The following GNPAT variants were observed in gnomAD, a reference collection of about 807,000 sequenced individuals.
GNPAT encodes the protein glyceronephosphate O-acyltransferase.
In GNPAT, 30 loss-of-function variants were observed where a neutral mutation model predicts 78.4. The ratio of observed to expected loss-of-function variants is 0.38; its 90% CI spans 0.29 to 0.52. GNPAT has a LOEUF of 0.52. GNPAT is among the 20% of genes least tolerant of loss of function. The pLI, the probability that GNPAT is intolerant of heterozygous loss-of-function variation, is 0.84. For synonymous variants in GNPAT, 271 were observed against 281.1 expected, an observed-to-expected ratio of 0.96 and a Z score of 0.36; for missense variants, 714 against 812.2, an observed-to-expected ratio of 0.88 and a Z score of 1.47.
chr1:231,251,313 C>T (rs1169588135), intron 2 of GNPAT, among the ~76,000 whole-genome samples, 170 bp downstream of exon 2: 4 of 152,162 alleles, frequency 2.6e-5, no homozygotes, highest in African/African-American at 4.8e-5. Flanking sequence ...AGACACTAGA[C>T]TAGAGGTCTA....
intron 1 of GNPAT, among the ~76,000 whole-genome samples, chr1:231,249,941 A>G (rs1431345350): frequency 6.6e-6 from 1 of 152,100 alleles, no homozygotes; most frequent in Non-Finnish European, 1.5e-5. Flanking sequence ...CAGGGGCTGA[A>G]TAAGAAATAA....
chr1:231,266,300 T>A lies in GNPAT; in HGVS notation c.948T>A (p.Ile316=). 2 of 1,614,156 alleles carry A rather than the reference T, an allele frequency of 1.2e-6. No homozygotes were observed. Among genetic ancestry groups the A allele is most frequent in the Non-Finnish European group, 1.7e-6 (2 of 1,180,018 alleles). ...AGGGGTTGCTGAAAGCCAGAAAGAT[T>A]CTCTCTGAAAATTTTGGAAGCATCC... ...STTGLLKARK[I]LSENFGSIHV... The change falls in exon 8 of 16, where the codon ATT becomes ATA. Residue 316 remains isoleucine (I), a synonymous_variant. Transcript: ENST00000366647.
chr1:231,266,960 A>G (rs527423960), intron 8 of GNPAT, among the ~76,000 whole-genome samples: 13 of 152,342 alleles, frequency 8.5e-5, no homozygotes, highest in South Asian at 8.3e-4. Flanking sequence ...TCCAGGCCTC[A>G]TGTGCTGCAA....
At chr1:231,247,003 A>G (rs1684767469) in intron 1 of GNPAT, among the ~76,000 whole-genome samples, 1 of 152,170 alleles carries the variant, frequency 6.6e-6, no homozygotes, top group Admixed American at 6.5e-5. Context: ...CCTCGTCTCT[A>G]CTATAAATAC....
At chr1:231,255,834 C>T (rs1002346712) in intron 2 of GNPAT, among the ~76,000 whole-genome samples, 2 of 152,192 alleles carry the variant, frequency 1.3e-5, no homozygotes, top group African/African-American at 4.8e-5. Flanking sequence ...TGTCATGGCT[C>T]TTTCTGAGGT....
intron 12 of GNPAT, among the ~76,000 whole-genome samples, chr1:231,274,500 C>G (rs1018785182): frequency 6.6e-6 from 1 of 152,160 alleles, no homozygotes; most frequent in African/African-American, 2.4e-5. Flanking sequence ...AGAAAAAGTT[C>G]AAGTGCAAGT....
rs1178966310 is a variant in GNPAT, at chr1:231,266,496, GA to G, written c.1055+90del. The G allele has an allele frequency of 6.6e-6, 7 of 1,055,882 alleles. No individual in the cohort carries two copies. In the African/African-American group the frequency reaches 1.1e-4, roughly 16 times the overall value. 65.4% of individuals were successfully genotyped at this position (1,055,882 alleles called of 1,614,324 possible). On this transcript the variant is annotated intron_variant, in intron 8 of 15. Transcript: ENST00000366647. ...AATGCTGGAGTTGACCACTTCTCTTGATTTACTTAAGATTACAGAGAAAATG... is the reference window on the plus strand; with the variant it reads ...AATGCTGGAGTTGACCACTTCTCTTGTTTACTTAAGATTACAGAGAAAATG...
At chr1:231,266,959 C>T (rs1685406328) in intron 8 of GNPAT, among the ~76,000 whole-genome samples, 2 of 152,248 alleles carry the variant, frequency 1.3e-5, no homozygotes, top group African/African-American at 4.8e-5. Context: ...CTCCAGGCCT[C>T]ATGTGCTGCA....
At chr1:231,269,601 A>G (rs1465390964) in intron 9 of GNPAT, among the ~76,000 whole-genome samples, 1 of 152,182 alleles carries the variant, frequency 6.6e-6, no homozygotes, top group East Asian at 1.9e-4. Flanking sequence ...ACCTGTTCTC[A>G]GTGCTGTGAT....
intron 3 of GNPAT, 97 bp downstream of exon 3, chr1:231,260,780 A>G: frequency 2.3e-6 from 2 of 854,960 alleles, no homozygotes; most frequent in Non-Finnish European, 3.8e-6. Flanking sequence ...TCACAATTTA[A>G]TCAACTCAAG....
Position 231,270,944 on chromosome 1 carries a change from T to C in GNPAT, c.1466T>C (p.Phe489Ser), listed in dbSNP as rs747689337. The C allele has an allele frequency of 3.1e-6, 5 of 1,614,040 alleles. No homozygotes were observed. Among genetic ancestry groups the C allele is most frequent in the Non-Finnish European group, 4.2e-6 (5 of 1,180,000 alleles). ...SAYRNQLLNI[F>S]VRPSLVAVAL... ...TATAGGAACCAGCTGCTCAACATTT[T>C]TGTGCGCCCATCCTTAGTAGCAGTA... is the stretch of plus-strand genomic sequence containing the variant. Residue 489 changes from phenylalanine (F) to serine (S), a missense_variant, in exon 10 of 16, where the codon TTT becomes TCT. Phe to Ser is a radical substitution (Grantham distance 155, BLOSUM62 -2). Transcript: ENST00000366647.
intron 1 of GNPAT, among the ~76,000 whole-genome samples, chr1:231,244,221 A>ATTTCC (rs1232361134): frequency 6.6e-6 from 1 of 152,158 alleles, no homozygotes. Context: ...TTCTGGTGTG[A>ATTTCC]TTATCTGTAT....
In GNPAT at chr1:231,241,226, A is replaced by G. The variant is rs537119013; in HGVS notation, c.-153A>G. The G allele has an allele frequency of 4.7e-6, 7 of 1,504,834 alleles. No individual in the cohort carries two copies. The highest frequency in any genetic ancestry group is 2.3e-5 in the East Asian group (1 of 44,258). 93.2% of individuals were successfully genotyped at this position (1,504,834 alleles called of 1,614,324 possible). A position where few individuals can be genotyped will look rare whatever the true frequency, so the allele number is the denominator to read the frequency against. On this transcript the variant is annotated 5_prime_UTR_variant, in exon 1 of 16. The change abolishes an upstream ATG in the 5' untranslated region. Coordinates refer to ENST00000366647, the MANE Select transcript of GNPAT (RefSeq NM_014236.4). Reference sequence around the variant, plus strand: ...CTGCGCGGCTTCCGTCCTGGCTGAGATGGCGGCGCCCGGGATCCTGTGTAG... The same window carrying G: ...CTGCGCGGCTTCCGTCCTGGCTGAGGTGGCGGCGCCCGGGATCCTGTGTAG...
intron 11 of GNPAT, 72 bp downstream of exon 11, chr1:231,272,463 G>A: frequency 1.2e-6 from 1 of 844,592 alleles, no homozygotes; most frequent in Non-Finnish European, 2.0e-6. Flanking sequence ...TGAATTCACA[G>A]ATGTGTCTCA....
intron 11 of GNPAT, among the ~76,000 whole-genome samples, chr1:231,272,801 T>C (rs527687003): frequency 3.9e-5 from 6 of 152,166 alleles, no homozygotes; most frequent in African/African-American, 1.4e-4. Context: ...AAACCCCGTC[T>C]GTACTAAAAA....
Position 231,266,335 on chromosome 1 carries a change from T to C in GNPAT, c.983T>C (p.Phe328Ser). Residue 328 changes from phenylalanine (F) to serine (S), a missense_variant, in exon 8 of 16, where the codon TTT becomes TCT. Phe to Ser is a radical substitution (Grantham distance 155, BLOSUM62 -2). Coordinates refer to ENST00000366647, the MANE Select transcript of GNPAT (RefSeq NM_014236.4). Reference protein sequence around the residue: ...SENFGSIHVYFGDPVSLRSLA... With the variant: ...SENFGSIHVYSGDPVSLRSLA... ...AATTTTGGAAGCATCCATGTGTACT[T>C]TGGAGATCCTGTGTCACTTCGATCT... 6.2e-7 allele frequency: 1 copy of C among 1,613,974 alleles called. No homozygotes were observed. The highest frequency in any genetic ancestry group is 8.5e-7 in the Non-Finnish European group (1 of 1,179,832).
chr1:231,271,966 G>A (rs778122821), intron 10 of GNPAT, among the ~76,000 whole-genome samples: 18 of 152,176 alleles, frequency 1.2e-4, no homozygotes, highest in Non-Finnish European at 2.4e-4. Context: ...TGGGCATGGC[G>A]GCGAGTGCCT....
At chr1:231,251,565 C>T (rs1684899818) in intron 2 of GNPAT, among the ~76,000 whole-genome samples, 1 of 152,042 alleles carries the variant, frequency 6.6e-6, no homozygotes, top group Non-Finnish European at 1.5e-5. Flanking sequence ...CTGTGGTTTT[C>T]AAACCTCCAC....
chr1:231,263,718 A>C (rs1162022448), intron 4 of GNPAT, among the ~76,000 whole-genome samples: 1 of 152,082 alleles, frequency 6.6e-6, no homozygotes, highest in Non-Finnish European at 1.5e-5. Flanking sequence ...CCAAAAGTGC[A>C]CAAGAGTTCC....
Sources: allele counts gnomAD v4.1 joint callset (sites outside exome capture counted in the v4.1 genomes callset), GRCh38; gene constraint gnomAD v4.1.1; transcripts MANE v1.5; gene names NCBI Gene and HGNC (gene_info 2026-07-23, HGNC 2026-07-21).